The following LMF1 variants were observed in gnomAD, a reference collection of about 807,000 sequenced individuals.
LMF1 encodes the protein lipase maturation factor 1.
In LMF1, 68 loss-of-function variants were observed where a neutral mutation model predicts 60.6. That is an observed-to-expected ratio of 1.12 (90% CI 0.92 to 1.37). LMF1 has a LOEUF of 1.37. Ranked by LOEUF, LMF1 falls within the 40% of genes most tolerant of loss-of-function variation. The pLI is 0.00. For synonymous variants in LMF1, 418 were observed against 324.7 expected (o/e 1.29, Z -3.09); for missense variants, 948 against 767.2 (o/e 1.24, Z -2.78).
intron 1 of LMF1, among the ~76,000 whole-genome samples, chr16:960,423 CGGG>C: frequency 6.8e-5 from 6 of 88,076 alleles, no homozygotes; most frequent in Non-Finnish European, 6.7e-5. Context: ...GGTGACAGCA[CGGG>C]ATCACGACCC....
Position 853,960 on chromosome 16 carries a change from G to A in LMF1, c.*572C>T, listed in dbSNP as rs1334731890. 8.8e-6 allele frequency: 4 copies of A among 453,968 alleles called. No individual in the cohort carries two copies. The highest frequency in any genetic ancestry group is 2.0e-5 in the African/African-American group (1 of 49,998). 28.1% of individuals were successfully genotyped at this position (453,968 alleles called of 1,614,324 possible). ...GTGTGGGATGCGTGTAGGCTGTGGC[G>A]GGGGTGGAGATGAGGGATAGGACAG... On this transcript the variant is annotated 3_prime_UTR_variant, in exon 11 of 11. Transcript: ENST00000262301.
At chr16:881,573 C>G (rs1333700970) in intron 5 of LMF1, 2 of 152,268 alleles carry the variant, frequency 1.3e-5, no homozygotes, top group Non-Finnish European at 2.9e-5. Flanking sequence ...TGTTTAGGGA[C>G]TTAGAAGGCA....
chr16:917,233 G>A lies in LMF1; in HGVS notation c.515-6154C>T, dbSNP rs147206193. Among the ~76,000 whole-genome samples the A allele has an allele frequency of 3.3e-3, 504 of 152,210 alleles. 20 individuals carry two copies. Among genetic ancestry groups the A allele is most frequent in the African/African-American group, 0.012 (479 of 41,430 alleles). On this transcript the variant is annotated intron_variant, in intron 3 of 10. Transcript: ENST00000262301. Reference sequence around the variant, plus strand: ...AGCACATGGGCAACACACAGCCATGGTGTGGCCACGCAGAGCACATGCTGC... The same window carrying A: ...AGCACATGGGCAACACACAGCCATGATGTGGCCACGCAGAGCACATGCTGC...
chr16:895,795 C>T (rs938222695), intron 4 of LMF1, among the ~76,000 whole-genome samples: 1 of 152,212 alleles, frequency 6.6e-6, no homozygotes, highest in Non-Finnish European at 1.5e-5. Flanking sequence ...CCTCACGTCA[C>T]GTGAGCCAGA....
At chr16:879,820 C>G in intron 5 of LMF1, 83 bp from the exon 6 acceptor site, 5 of 1,350,130 alleles carry the variant, frequency 3.7e-6, no homozygotes, top group Non-Finnish European at 5.1e-6. Context: ...CCCTGGCCCC[C>G]TGACCCCGGC....
rs749219178 is a variant in LMF1 at position 868,963 on chromosome 16, C to T, written c.1510G>A (p.Ala504Thr). Residue 504 changes from alanine to threonine, a missense_variant, in exon 10 of 11, where the codon GCG becomes ACG. Physicochemically the swap from Ala to Thr is moderately conservative, Grantham distance 58 (BLOSUM62 0). Transcript: ENST00000262301. ...TCCTACCTGGGCGGGGGCCTGCCCG[C>T]GAAGGGGTTGTGTGCCAGCAGGGAC... ...ALSLLAHNPFAGRPPPRWVRG... is the reference protein window; with the variant it reads ...ALSLLAHNPFTGRPPPRWVRG... 26 of 1,611,352 alleles carry T rather than the reference C, an allele frequency of 1.6e-5. No individual in the cohort carries two copies. The highest frequency in any genetic ancestry group is 8.3e-5 in the Admixed American group (5 of 59,996).
intron 10 of LMF1, chr16:855,466 A>G (rs1481900176): frequency 2.0e-5 from 7 of 354,284 alleles, no homozygotes; most frequent in South Asian, 1.5e-4. Flanking sequence ...CCCTCACTGG[A>G]CTCTCGGAGG....
intron 1 of LMF1, among the ~76,000 whole-genome samples, chr16:966,518 T>C (rs1475060141): frequency 1.3e-5 from 2 of 152,250 alleles, no homozygotes; most frequent in African/African-American, 4.8e-5. Context: ...CCAGTCTTCA[T>C]GTCACATTTC....
At chr16:971,023 AGGCCCCGCCCATTC>A, upstream of LMF1, 1 of 1,356,154 alleles carries the variant, frequency 7.4e-7, no homozygotes, top group South Asian at 1.7e-5. Context: ...CCATTCTCGG[AGGCCCCGCCCATTC>A]TCGGAGGCCC....
chr16:920,626 C>T (rs960664562), intron 3 of LMF1, among the ~76,000 whole-genome samples: 29 of 152,216 alleles, frequency 1.9e-4, no homozygotes, highest in Non-Finnish European at 7.3e-5. Flanking sequence ...AGGGAGAGGC[C>T]TGATGTCCAT....
At chr16:866,287 T>C (rs943286017) in intron 10 of LMF1, among the ~76,000 whole-genome samples, 3 of 152,240 alleles carry the variant, frequency 2.0e-5, no homozygotes, top group African/African-American at 2.4e-5. Context: ...ACCTTGCTCC[T>C]GCCAGGTTGG....
At chr16:934,401 A>G (rs2071882503) in intron 2 of LMF1, 147 bp from the exon 3 acceptor site, 3 of 953,274 alleles carry the variant, frequency 3.1e-6, no homozygotes, top group Non-Finnish European at 4.8e-6. Context: ...CCCGCTGGGC[A>G]TTAGGGGAAC....
intron 1 of LMF1, among the ~76,000 whole-genome samples, chr16:965,046 G>A (rs907802802): frequency 6.6e-6 from 1 of 152,226 alleles, no homozygotes; most frequent in Admixed American, 6.5e-5. Context: ...GTGAGCCCAG[G>A]ACTCCAATGT....
At chr16:929,418 G>T (rs539418319) in intron 3 of LMF1, among the ~76,000 whole-genome samples, 9 of 152,354 alleles carry the variant, frequency 5.9e-5, no homozygotes, top group African/African-American at 2.2e-4. Flanking sequence ...CCCACACTTG[G>T]GGGACGGTGC....
intron 10 of LMF1, among the ~76,000 whole-genome samples, chr16:863,156 G>T (rs748211866): frequency 5.9e-5 from 9 of 152,152 alleles, no homozygotes; most frequent in Non-Finnish European, 1.3e-4. Context: ...AGATTGCAGG[G>T]TCTGTAGTGA....
In LMF1 at chr16:962,677, T is replaced by C. The variant is rs2072836472; in HGVS notation, c.194-8011A>G. On this transcript the variant is annotated intron_variant, in intron 1 of 10. Transcript: ENST00000262301. The surrounding 1 kb of genome is among the most constrained non-coding windows in gnomAD (Gnocchi z 4.5). ...ACAGGCCTGCTTGACACTGTCAAGGTCGGAATCCTGCACAGGAAAGTCTGG... is the reference window on the plus strand; with the variant it reads ...ACAGGCCTGCTTGACACTGTCAAGGCCGGAATCCTGCACAGGAAAGTCTGG... Among the ~76,000 whole-genome samples, 1 of 151,876 alleles carries C rather than the reference T, an allele frequency of 6.6e-6. No individual in the cohort carries two copies. Among genetic ancestry groups the C allele is most frequent in the African/African-American group, 2.4e-5 (1 of 41,326 alleles).
intron 6 of LMF1, 73 bp downstream of exon 6, chr16:879,497 C>G: frequency 3.3e-6 from 5 of 1,537,400 alleles, no homozygotes; most frequent in Non-Finnish European, 4.4e-6. Flanking sequence ...TCCCAGAGAG[C>G]GGGGCAGCCA....
At chr16:873,865 G>C (rs126680) in intron 6 of LMF1, 72,717 of 152,368 alleles carry the variant, frequency 0.48, 17,442 homozygotes, top group Middle Eastern at 0.53. Flanking sequence ...GGAAACGCAT[G>C]CAGCCTTGCA....
intron 6 of LMF1, 114 bp downstream of exon 6, chr16:879,456 A>G: frequency 7.9e-7 from 1 of 1,267,564 alleles, no homozygotes; most frequent in East Asian, 2.5e-5. Context: ...GGCTGTCCCC[A>G]AGAAAGGGGG....
Sources: allele counts gnomAD v4.1 joint callset (sites outside exome capture counted in the v4.1 genomes callset), GRCh38; gene constraint gnomAD v4.1.1; non-coding constraint Gnocchi (gnomAD v3.1); transcripts MANE v1.5; gene names NCBI Gene and HGNC (gene_info 2026-07-23, HGNC 2026-07-21).